PPM1H: variants seen among roughly 807,000 people sequenced by gnomAD.
The protein encoded by PPM1H is protein phosphatase, Mg2+/Mn2+ dependent 1H.
PPM1H carries 27 observed loss-of-function variants against 54.9 expected under a neutral mutation model. The observed-to-expected ratio is 0.49, with a 90% CI of 0.36 to 0.68. The LOEUF is 0.68. Among genes scored for constraint, PPM1H ranks in the 30% least tolerant of loss-of-function variants. PPM1H has a pLI of 0.00. For synonymous variants in PPM1H, 305 were observed against 270.8 expected, an observed-to-expected ratio of 1.13 and a Z score of -1.24; for missense variants, 596 against 667.8, an observed-to-expected ratio of 0.89 and a Z score of 1.19.
chr12:62,908,407 CAAA>C (rs751766456), intron 1 of PPM1H, among the ~76,000 whole-genome samples: 240 of 96,876 alleles, frequency 2.5e-3, no homozygotes, highest in South Asian at 0.022. Context: ...GACTCCGTCT[CAAA>C]AAAAAAAAAA....
chr12:62,693,889 G>C (rs751195911), intron 7 of PPM1H, 47 bp downstream of exon 7: 5 of 1,541,976 alleles, frequency 3.2e-6, no homozygotes, highest in Non-Finnish European at 4.5e-6. Context: ...GAGCGAAGGC[G>C]GGACAGAGCC....
chr12:62,708,442 T>C (rs921156126), intron 6 of PPM1H, among the ~76,000 whole-genome samples: 1 of 152,222 alleles, frequency 6.6e-6, no homozygotes, highest in Non-Finnish European at 1.5e-5. Context: ...GCTGTGCCAA[T>C]TTCCTGCTGG....
chr12:62,791,335 G>A (rs1488115138), intron 3 of PPM1H, among the ~76,000 whole-genome samples: 1 of 152,080 alleles, frequency 6.6e-6, no homozygotes, highest in African/African-American at 2.4e-5. Context: ...ATAGAAGAGA[G>A]GAGAAGGAAA....
At chr12:62,831,162 T>C (rs1439065088) in intron 2 of PPM1H, among the ~76,000 whole-genome samples, 3 of 152,240 alleles carry the variant, frequency 2.0e-5, no homozygotes, top group Admixed American at 6.5e-5. Flanking sequence ...CGCAATGAGA[T>C]ACTATTTCTA....
Position 62,793,253 on chromosome 12 carries a change from A to G in PPM1H, c.757-4915T>C, listed in dbSNP as rs192707220. 3.9e-5 allele frequency among the ~76,000 whole-genome samples: 6 copies of G among 152,288 alleles called. No homozygotes were observed. In the East Asian group the frequency reaches 9.7e-4, roughly 25 times the overall value. On this transcript the variant is annotated intron_variant, in intron 3 of 9. Transcript: ENST00000228705. ...GATAATTGATTTATCTGCTTAATCA[A>G]TAGTCCTGAAGACCTTGCAGGGCAA...
At chr12:62,778,018 T>C (rs956210969) in intron 4 of PPM1H, among the ~76,000 whole-genome samples, 14 of 152,192 alleles carry the variant, frequency 9.2e-5, no homozygotes, top group Admixed American at 2.0e-4. Flanking sequence ...CCTGTAATCC[T>C]AGCTACTCAG....
At chr12:62,665,344 C>T (rs1031823670) in intron 9 of PPM1H, among the ~76,000 whole-genome samples, 11 of 152,158 alleles carry the variant, frequency 7.2e-5, no homozygotes, top group Non-Finnish European at 1.0e-4. Flanking sequence ...CCACAGCACT[C>T]GGCTTTTCTT....
At chr12:62,845,977 C>T (rs1013959709) in intron 1 of PPM1H, among the ~76,000 whole-genome samples, 8 of 152,190 alleles carry the variant, frequency 5.3e-5, no homozygotes, top group Admixed American at 3.3e-4. Flanking sequence ...TCTAGCTTCT[C>T]AGCCTGCGGG....
rs552818846 is a variant in PPM1H, at chr12:62,901,523, A to G, written c.245+32969T>C. Among the ~76,000 whole-genome samples, 10 of 152,340 alleles carry G rather than the reference A, an allele frequency of 6.6e-5. No individual in the cohort carries two copies. In the South Asian group the frequency reaches 2.1e-3, roughly 32 times the overall value. ...GTTTTTGTGCTGAGGGGGACTGTCAATAGTACTTGTTCTAAAATTATATAC... is the reference window on the plus strand; with the variant it reads ...GTTTTTGTGCTGAGGGGGACTGTCAGTAGTACTTGTTCTAAAATTATATAC... On this transcript the variant is annotated intron_variant, in intron 1 of 9. Coordinates refer to ENST00000228705, the MANE Select transcript of PPM1H (RefSeq NM_020700.2).
intron 1 of PPM1H, among the ~76,000 whole-genome samples, chr12:62,891,856 G>C (rs1214478291): frequency 6.6e-6 from 1 of 152,114 alleles, no homozygotes; most frequent in Non-Finnish European, 1.5e-5. Flanking sequence ...GAGTTATATG[G>C]GGGCTCTGGG....
At chr12:62,696,492 C>T (rs1436491503) in intron 6 of PPM1H, among the ~76,000 whole-genome samples, 1 of 152,194 alleles carries the variant, frequency 6.6e-6, no homozygotes, top group East Asian at 1.9e-4. Context: ...ACAACACCTT[C>T]TCCCCCTCCA....
At chr12:62,738,359 A>AG (rs1565773993) in intron 4 of PPM1H, among the ~76,000 whole-genome samples, 2 of 151,868 alleles carry the variant, frequency 1.3e-5, no homozygotes, top group South Asian at 4.2e-4. Flanking sequence ...TCCTGGGTCC[A>AG]GGGGGAAAAA....
At chr12:62,885,582 G>T (rs1180813361) in intron 1 of PPM1H, among the ~76,000 whole-genome samples, 1 of 152,110 alleles carries the variant, frequency 6.6e-6, no homozygotes, top group Non-Finnish European at 1.5e-5. Flanking sequence ...CACTCAAGGG[G>T]ATTACACAGG....
intron 4 of PPM1H, among the ~76,000 whole-genome samples, chr12:62,787,940 C>T (rs2076682561): frequency 6.6e-6 from 1 of 152,166 alleles, no homozygotes; most frequent in South Asian, 2.1e-4. Context: ...ATCACTCTCA[C>T]ATATTATGCT....
At chr12:62,775,736 G>A (rs1385163010) in intron 4 of PPM1H, among the ~76,000 whole-genome samples, 1 of 152,202 alleles carries the variant, frequency 6.6e-6, no homozygotes, top group Non-Finnish European at 1.5e-5. Context: ...AGCTGCCACT[G>A]AGCATGCCTG....
chr12:62,783,516 C>T (rs2076653982), intron 4 of PPM1H, among the ~76,000 whole-genome samples: 1 of 152,198 alleles, frequency 6.6e-6, no homozygotes, highest in African/African-American at 2.4e-5. Context: ...GATCGAACTC[C>T]CAGTCTTGGG....
chr12:62,813,939 A>T (rs966593259), intron 2 of PPM1H, among the ~76,000 whole-genome samples: 1 of 151,270 alleles, frequency 6.6e-6, no homozygotes, highest in Non-Finnish European at 1.5e-5. Flanking sequence ...TTGCCTTTTC[A>T]TCTTTATTGC....
intron 3 of PPM1H, among the ~76,000 whole-genome samples, chr12:62,797,367 C>G (rs2076740489): frequency 6.6e-6 from 1 of 152,124 alleles, no homozygotes; most frequent in African/African-American, 2.4e-5. Flanking sequence ...AGCCACAAAG[C>G]TGAAATGCCT....
chr12:62,817,137 GAA>G (rs748440124), intron 2 of PPM1H, among the ~76,000 whole-genome samples: 13 of 67,352 alleles, frequency 1.9e-4, no homozygotes, highest in South Asian at 1.0e-3. Flanking sequence ...AAAAAAAAAA[GAA>G]AAAAAAAAAA....
Sources: allele counts gnomAD v4.1 joint callset (sites outside exome capture counted in the v4.1 genomes callset), GRCh38; gene constraint gnomAD v4.1.1; transcripts MANE v1.5; gene names NCBI Gene and HGNC (gene_info 2026-07-23, HGNC 2026-07-21).